Variants in SERGEF observed in about 807,000 individuals in gnomAD.
SERGEF encodes the protein secretion-regulating guanine nucleotide exchange factor.
In SERGEF, 51 loss-of-function variants were observed where a neutral mutation model predicts 50.0. That is an observed-to-expected ratio of 1.02 (90% CI 0.81 to 1.29). The LOEUF (loss-of-function observed/expected upper bound fraction) is 1.29, where lower values mean the gene tolerates loss of function less well. Ranked by LOEUF, SERGEF falls within the 50% of genes most tolerant of loss-of-function variation. The probability of loss-of-function intolerance (pLI) is 0.00; values close to 1 mark genes in which losing one functional copy is unlikely to be tolerated. For missense variants in SERGEF, 521 were observed against 557.0 expected (o/e 0.94, Z 0.65); for synonymous variants, 205 against 212.4 (o/e 0.97, Z 0.30).
intron 8 of SERGEF, among the ~76,000 whole-genome samples, chr11:17,981,760 G>A (rs1853499459): frequency 6.6e-6 from 1 of 152,092 alleles, no homozygotes; most frequent in Non-Finnish European, 1.5e-5. Context: ...ATCTATGGCT[G>A]CACTCTTCAG....
chr11:17,883,956 G>A (rs1443792589), intron 9 of SERGEF, among the ~76,000 whole-genome samples: 2 of 152,248 alleles, frequency 1.3e-5, no homozygotes, highest in African/African-American at 4.8e-5. Flanking sequence ...ATCGGGGCGC[G>A]GAAGAGTGGG....
chr11:18,001,388 C>G (rs985434850), intron 4 of SERGEF, among the ~76,000 whole-genome samples: 4 of 152,174 alleles, frequency 2.6e-5, no homozygotes, highest in African/African-American at 4.8e-5. Context: ...AAAAAAGGCA[C>G]TAAGGCTTCC....
chr11:17,986,815 T>C (rs562500828), intron 8 of SERGEF, among the ~76,000 whole-genome samples: 2 of 152,348 alleles, frequency 1.3e-5, no homozygotes, highest in East Asian at 3.9e-4. Flanking sequence ...CTAATTTCTA[T>C]GCGACTTTTG....
intron 1 of SERGEF, chr11:18,010,010 TG>T: frequency 1.5e-6 from 1 of 670,926 alleles, no homozygotes; most frequent in Non-Finnish European, 2.2e-6. Context: ...GACAAGGGAT[TG>T]TGGACCTGCA....
chr11:17,864,893 A>G (rs185256345), intron 10 of SERGEF, among the ~76,000 whole-genome samples: 207 of 152,350 alleles, frequency 1.4e-3, no homozygotes, highest in Middle Eastern at 3.4e-3. Flanking sequence ...TCGTAGCAAC[A>G]GGACCCAGGA....
intron 8 of SERGEF, 114 bp from the exon 9 acceptor site, chr11:17,959,750 C>G (rs1278398136): frequency 9.1e-6 from 8 of 882,538 alleles, no homozygotes; most frequent in Non-Finnish European, 1.4e-5. Context: ...CTACCAGGAG[C>G]CTTCCTATCT....
chr11:17,875,416 T>C (rs543381553), intron 10 of SERGEF, among the ~76,000 whole-genome samples: 1 of 152,228 alleles, frequency 6.6e-6, no homozygotes. Flanking sequence ...TAAAATGCCA[T>C]AAAAGCTTGA....
chr11:17,833,231 AG>A (rs1272993747), intron 10 of SERGEF, among the ~76,000 whole-genome samples: 1 of 152,174 alleles, frequency 6.6e-6, no homozygotes, highest in Non-Finnish European at 1.5e-5. Context: ...ACTGGCTGAA[AG>A]GGGCCAACGT....
chr11:18,002,891 T>C (rs1853994612), intron 4 of SERGEF, among the ~76,000 whole-genome samples: 1 of 152,236 alleles, frequency 6.6e-6, no homozygotes, highest in Non-Finnish European at 1.5e-5. Context: ...ATGTCACCTG[T>C]CAAAATGTTT....
chr11:17,972,576 T>C (rs1196526094), intron 8 of SERGEF, among the ~76,000 whole-genome samples: 3 of 152,228 alleles, frequency 2.0e-5, no homozygotes, highest in Non-Finnish European at 4.4e-5. Flanking sequence ...AGGTATAGTA[T>C]ACAGTATAGT....
chr11:17,869,164 G>C (rs558905441), intron 10 of SERGEF, among the ~76,000 whole-genome samples: 2 of 152,290 alleles, frequency 1.3e-5, no homozygotes, highest in East Asian at 3.9e-4. Flanking sequence ...CTCTGGAGGA[G>C]AGAAGGATTC....
At chr11:17,905,696 G>C (rs916770773) in intron 9 of SERGEF, among the ~76,000 whole-genome samples, 1 of 152,188 alleles carries the variant, frequency 6.6e-6, no homozygotes, top group Non-Finnish European at 1.5e-5. Flanking sequence ...TGTTTTCAGA[G>C]ACCCATTAGA....
intron 10 of SERGEF, among the ~76,000 whole-genome samples, chr11:17,847,587 G>A (rs1339005230): frequency 6.6e-6 from 1 of 152,208 alleles, no homozygotes; most frequent in Admixed American, 6.5e-5. Flanking sequence ...CACAGAAGAG[G>A]AGCCCAATAA....
chr11:17,908,461 C>T (rs1454674070), intron 9 of SERGEF, among the ~76,000 whole-genome samples: 9 of 152,304 alleles, frequency 5.9e-5, no homozygotes, highest in East Asian at 5.8e-4. Flanking sequence ...TGATCCCCTC[C>T]GAGAAGACTG....
intron 9 of SERGEF, among the ~76,000 whole-genome samples, chr11:17,905,661 G>C (rs962704945): frequency 3.9e-5 from 6 of 152,198 alleles, no homozygotes; most frequent in African/African-American, 1.4e-4. Context: ...GGTGACAGGA[G>C]TGAAACCCAG....
In SERGEF at chr11:17,884,397, C is replaced by G. The variant is rs1851392287; in HGVS notation, c.1012-6153G>C. Among the ~76,000 whole-genome samples, 1 of 151,998 alleles carries G rather than the reference C, an allele frequency of 6.6e-6. No homozygotes were observed. The highest frequency in any genetic ancestry group is 2.4e-5 in the African/African-American group (1 of 41,384). ...GGGCAGCCTGCGCCGCCTGGGTTAA[C>G]AGGGCGAGGGAATGGGCGTCTCGGT... On this transcript the variant is annotated intron_variant, in intron 9 of 10. Coordinates refer to ENST00000265965, the MANE Select transcript of SERGEF (RefSeq NM_012139.4). The surrounding 1 kb of genome is among the most constrained non-coding windows in gnomAD (Gnocchi z 4.6).
In SERGEF at chr11:17,813,483, C is replaced by T. The variant is rs543498814; in HGVS notation, c.1049-25070G>A. Among the ~76,000 whole-genome samples the T allele has an allele frequency of 2.8e-4, 42 of 152,298 alleles. 1 individual carries two copies. The highest frequency in any genetic ancestry group is 2.0e-3 in the Admixed American group (30 of 15,294). ...TCTTCAACTTTGGCAAAAGCAATTC[C>T]ACATTCCATTAAAATGAGAAGCATT... is the stretch of plus-strand genomic sequence containing the variant. On this transcript the variant is annotated intron_variant, in intron 10 of 10. Transcript: ENST00000265965.
intron 9 of SERGEF, among the ~76,000 whole-genome samples, chr11:17,882,753 G>C (rs1851358444): frequency 6.6e-6 from 1 of 152,296 alleles, no homozygotes. Flanking sequence ...GGCCAATCCA[G>C]TCCAATTGGA....
chr11:17,888,175 G>A lies in SERGEF; in HGVS notation c.1012-9931C>T, dbSNP rs528311261. 1.2e-3 allele frequency among the ~76,000 whole-genome samples: 182 copies of A among 152,270 alleles called. No individual in the cohort carries two copies. The highest frequency in any genetic ancestry group is 3.9e-3 in the African/African-American group (162 of 41,572). ...CCATCCCCACCTCTTCCAGGAAACC[G>A]GCCCCTAGTGCCAAAAAGGTTGGGG... is the stretch of plus-strand genomic sequence containing the variant. On this transcript the variant is annotated intron_variant, in intron 9 of 10. Coordinates refer to ENST00000265965, the MANE Select transcript of SERGEF (RefSeq NM_012139.4). This position sits in a 1 kb window ranked among gnomAD's most constrained non-coding sequence, Gnocchi z 4.1.
Sources: gnomAD v4.1 joint callset for allele counts (sites outside exome capture counted in the v4.1 genomes callset) on GRCh38, gnomAD v4.1.1 for gene constraint, Gnocchi (gnomAD v3.1) non-coding constraint, MANE v1.5 for transcripts, NCBI Gene and HGNC (gene_info 2026-07-23, HGNC 2026-07-21) for gene names.